SRBD1: variants seen among roughly 807,000 people sequenced by gnomAD.
The protein encoded by SRBD1 is S1 RNA binding domain 1, also known as S1 RNA-binding domain-containing protein 1.
Under a neutral mutation model 115.3 loss-of-function variants are expected in SRBD1, and 88 were observed. That is an observed-to-expected ratio of 0.76 (90% CI 0.64 to 0.91). The LOEUF (loss-of-function observed/expected upper bound fraction) is 0.91. Among genes scored for constraint, SRBD1 ranks in the 40% least tolerant of loss-of-function variants. SRBD1 has a pLI of 0.00. For synonymous variants in SRBD1, 509 were observed against 407.7 expected (o/e 1.25, Z -2.99); for missense variants, 1,385 against 1,177.4 (o/e 1.18, Z -2.58).
intron 16 of SRBD1, chr2:45,447,061 T>C (rs890764557): frequency 2.0e-5 from 3 of 152,264 alleles, no homozygotes; most frequent in Admixed American, 6.5e-5. Context: ...GTTTTCTATC[T>C]GCATAATGAA....
At chr2:45,475,108 C>A (rs1264271742) in intron 16 of SRBD1, among the ~76,000 whole-genome samples, 1 of 152,126 alleles carries the variant, frequency 6.6e-6, no homozygotes, top group Admixed American at 6.5e-5. Context: ...GCATCTCAAA[C>A]TTAACATGTC....
At chr2:45,520,462 G>A (rs1229059309) in intron 14 of SRBD1, among the ~76,000 whole-genome samples, 2 of 152,196 alleles carry the variant, frequency 1.3e-5, no homozygotes, top group Non-Finnish European at 2.9e-5. Context: ...AGGAGACAGG[G>A]AAATACGGGG....
intron 14 of SRBD1, among the ~76,000 whole-genome samples, chr2:45,534,240 A>G (rs781724465): frequency 3.3e-5 from 5 of 151,988 alleles, no homozygotes; most frequent in Non-Finnish European, 7.4e-5. Context: ...GAAATGGTCT[A>G]TTTAAATATG....
intron 15 of SRBD1, among the ~76,000 whole-genome samples, chr2:45,485,539 C>T (rs1447076449): frequency 6.6e-6 from 1 of 152,192 alleles, no homozygotes; most frequent in Non-Finnish European, 1.5e-5. Flanking sequence ...CATCCATCTA[C>T]TATATCCATC....
intron 16 of SRBD1, among the ~76,000 whole-genome samples, chr2:45,427,114 G>C (rs1668177513): frequency 1.3e-5 from 2 of 152,212 alleles, no homozygotes; most frequent in African/African-American, 4.8e-5. Context: ...AAAAAGGTTA[G>C]AGGAATTGCT....
intron 14 of SRBD1, among the ~76,000 whole-genome samples, chr2:45,522,368 G>A (rs575068876): frequency 6.6e-6 from 1 of 152,124 alleles, no homozygotes; most frequent in African/African-American, 2.4e-5. Context: ...TAGTAGAGAT[G>A]GAGTTTACCA....
At chr2:45,580,977 C>A (rs1673344307) in intron 6 of SRBD1, among the ~76,000 whole-genome samples, 2 of 152,108 alleles carry the variant, frequency 1.3e-5, no homozygotes, top group South Asian at 2.1e-4. Flanking sequence ...GCCACCGCGC[C>A]CAGCCAATTC....
chr2:45,443,259 T>A (rs1478416660), intron 16 of SRBD1, among the ~76,000 whole-genome samples: 5 of 152,224 alleles, frequency 3.3e-5, no homozygotes, highest in African/African-American at 1.2e-4. Flanking sequence ...GTCAGGTAGC[T>A]GGAGGAAAAA....
chr2:45,426,872 T>A (rs1668170594), intron 16 of SRBD1, among the ~76,000 whole-genome samples: 1 of 152,080 alleles, frequency 6.6e-6, no homozygotes, highest in Non-Finnish European at 1.5e-5. Flanking sequence ...CAAAGGTAGA[T>A]AAATCCACAA....
chr2:45,486,399 T>G (rs1391378682), intron 15 of SRBD1, among the ~76,000 whole-genome samples: 1 of 152,180 alleles, frequency 6.6e-6, no homozygotes, highest in Non-Finnish European at 1.5e-5. Flanking sequence ...ATTTACTGGC[T>G]ATGTGGCCTT....
At chr2:45,518,691 G>C (rs1391311989) in intron 14 of SRBD1, among the ~76,000 whole-genome samples, 2 of 152,074 alleles carry the variant, frequency 1.3e-5, no homozygotes, top group Non-Finnish European at 2.9e-5. Context: ...AGACTATAAA[G>C]GGATAGTCTG....
chr2:45,493,535 G>A (rs1253114208), intron 14 of SRBD1, among the ~76,000 whole-genome samples: 2 of 152,228 alleles, frequency 1.3e-5, no homozygotes, highest in African/African-American at 4.8e-5. Flanking sequence ...GTAAGGCCAG[G>A]CACGGTGGCA....
chr2:45,392,920 C>T (rs1426943681), intron 20 of SRBD1, 25 bp downstream of exon 20: 1 of 1,578,594 alleles, frequency 6.3e-7, no homozygotes, highest in Non-Finnish European at 8.6e-7. Flanking sequence ...ATGCAAGGTG[C>T]TATAATTCAA....
At chr2:45,390,580 G>A (rs1666968407) in intron 20 of SRBD1, among the ~76,000 whole-genome samples, 1 of 152,072 alleles carries the variant, frequency 6.6e-6, no homozygotes, top group Non-Finnish European at 1.5e-5. Context: ...ACTGAGTGTT[G>A]ACTCTAATAA....
intron 10 of SRBD1, among the ~76,000 whole-genome samples, chr2:45,559,275 C>T (rs1001737740): frequency 1.3e-5 from 2 of 152,124 alleles, no homozygotes; most frequent in Non-Finnish European, 2.9e-5. Flanking sequence ...TGGCTTCCCA[C>T]CATCCTTAAA....
At chr2:45,412,907 T>C (rs1403171836) in intron 19 of SRBD1, among the ~76,000 whole-genome samples, 1 of 152,206 alleles carries the variant, frequency 6.6e-6, no homozygotes, top group African/African-American at 2.4e-5. Flanking sequence ...CAGGGTTTAT[T>C]AGCTTGACAA....
intron 16 of SRBD1, among the ~76,000 whole-genome samples, chr2:45,434,744 C>A (rs924961425): frequency 6.6e-6 from 1 of 151,712 alleles, no homozygotes; most frequent in Non-Finnish European, 1.5e-5. Flanking sequence ...CAGAATCAAG[C>A]CTTTCTTGCC....
At chr2:45,442,398 A>C (rs549264187) in intron 16 of SRBD1, among the ~76,000 whole-genome samples, 1 of 152,348 alleles carries the variant, frequency 6.6e-6, no homozygotes, top group East Asian at 1.9e-4. Flanking sequence ...TGTTCATTGT[A>C]GTAGGACTCA....
intron 15 of SRBD1, 113 bp downstream of exon 15, chr2:45,488,127 T>A (rs992474260): frequency 1.2e-6 from 1 of 801,280 alleles, no homozygotes; most frequent in Non-Finnish European, 2.1e-6. Context: ...CCAATTCTTA[T>A]GCATGTAGTA....
Sources: allele counts gnomAD v4.1 joint callset (sites outside exome capture counted in the v4.1 genomes callset), GRCh38; gene constraint gnomAD v4.1.1; transcripts MANE v1.5; gene names NCBI Gene and HGNC (gene_info 2026-07-23, HGNC 2026-07-21).